Variants in ECPAS observed in about 807,000 individuals in gnomAD.
ECPAS encodes proteasome adapter and scaffold protein ECM29.
A neutral mutation model predicts 255.1 loss-of-function variants in ECPAS; 70 were observed. The observed-to-expected ratio is 0.27, with a 90% CI of 0.23 to 0.33. The LOEUF (loss-of-function observed/expected upper bound fraction) is 0.33. Among genes scored for constraint, ECPAS ranks in the 10% least tolerant of loss-of-function variants. The pLI, the probability that ECPAS is intolerant of heterozygous loss-of-function variation, is 1.00. For synonymous variants in ECPAS, 784 were observed against 775.0 expected, an observed-to-expected ratio of 1.01 and a Z score of -0.19; for missense variants, 1,817 against 2,206.4, an observed-to-expected ratio of 0.82 and a Z score of 3.54.
chr9:111,400,595 GA>G (rs967507721), intron 24 of ECPAS, among the ~76,000 whole-genome samples: 7 of 152,058 alleles, frequency 4.6e-5, no homozygotes, highest in African/African-American at 9.6e-5. Flanking sequence ...TAAAATGGGG[GA>G]AAAAAATCAA....
At chr9:111,444,252 A>G in intron 4 of ECPAS, 126 bp downstream of exon 4, 1 of 601,806 alleles carries the variant, frequency 1.7e-6, no homozygotes, top group Non-Finnish European at 2.9e-6. Flanking sequence ...AAAAAAAAAA[A>G]CTCATGTTTC....
At chr9:111,402,768 T>C (rs911540305) in intron 24 of ECPAS, among the ~76,000 whole-genome samples, 7 of 152,182 alleles carry the variant, frequency 4.6e-5, no homozygotes, top group African/African-American at 1.2e-4. Flanking sequence ...ATCAAACTTG[T>C]TATATTTTCT....
At chr9:111,379,796 T>C (rs2098138252) in intron 35 of ECPAS, among the ~76,000 whole-genome samples, 1 of 152,212 alleles carries the variant, frequency 6.6e-6, no homozygotes, top group Non-Finnish European at 1.5e-5. Context: ...GAAACCACTT[T>C]CTTTGCTCAT....
At chr9:111,440,052 A>G (rs1231818537) in intron 6 of ECPAS, among the ~76,000 whole-genome samples, 1 of 151,402 alleles carries the variant, frequency 6.6e-6, no homozygotes, top group African/African-American at 2.4e-5. Flanking sequence ...TTTTTGAGAG[A>G]GAGTCTCGCT....
rs1419484287 is a variant in ECPAS at position 111,430,440 on chromosome 9, T to C, written c.930+107A>G. 2.0e-5 allele frequency: 15 copies of C among 740,108 alleles called. 1 individual carries two copies. The Admixed American group carries it at 2.7e-4, about 13-fold the overall frequency. 45.8% of individuals were successfully genotyped at this position (740,108 alleles called of 1,614,324 possible). A position where few individuals can be genotyped will look rare whatever the true frequency, so the allele number is the denominator to read the frequency against. ...ATGACTTAAAACTAGCATTTTGTTA[T>C]AGCACAGATTCAGCTTAAATGAAAC... On this transcript the variant is annotated intron_variant, in intron 9 of 49. Transcript: ENST00000684092.
intron 2 of ECPAS, among the ~76,000 whole-genome samples, chr9:111,466,430 G>C (rs1361133851): frequency 1.3e-5 from 2 of 151,944 alleles, no homozygotes; most frequent in Admixed American, 1.3e-4. Flanking sequence ...GGGCGACAGA[G>C]CGAGACTCCG....
At chr9:111,409,993 A>C (rs1041278441) in intron 23 of ECPAS, 48 bp downstream of exon 23, 10 of 1,430,720 alleles carry the variant, frequency 7.0e-6, no homozygotes, top group Non-Finnish European at 9.6e-6. Context: ...TCATGTATGC[A>C]TAGAAAGACC....
intron 2 of ECPAS, among the ~76,000 whole-genome samples, chr9:111,468,586 G>C (rs1212488395): frequency 6.6e-6 from 1 of 151,612 alleles, no homozygotes; most frequent in Non-Finnish European, 1.5e-5. Flanking sequence ...TTAAAACAAG[G>C]CCTTTTCCTA....
chr9:111,385,614 T>C (rs1227537743), intron 32 of ECPAS, among the ~76,000 whole-genome samples, 172 bp from the exon 33 acceptor site: 1 of 152,224 alleles, frequency 6.6e-6, no homozygotes, highest in Non-Finnish European at 1.5e-5. Context: ...TATATATATG[T>C]AATTTACAAT....
At position 111,384,706 on chromosome 9, in the gene ECPAS, T is replaced by A. The variant is rs149298163; in HGVS notation, c.3634-137A>T. On this transcript the variant is annotated intron_variant, in intron 33 of 49. Transcript: ENST00000684092. Reference sequence around the variant, plus strand: ...TACATTTCATATCATGTTAAAAAAATTGGTATCTCATCAGACTCTCTGCCC... The same window carrying A: ...TACATTTCATATCATGTTAAAAAAAATGGTATCTCATCAGACTCTCTGCCC... 75 of 730,254 alleles carry A rather than the reference T, an allele frequency of 1.0e-4. No homozygotes were observed. The East Asian group carries it at 1.9e-3, about 19-fold the overall frequency. 45.2% of individuals were successfully genotyped at this position (730,254 alleles called of 1,614,324 possible).
intron 10 of ECPAS, among the ~76,000 whole-genome samples, chr9:111,426,400 T>C (rs971528513): frequency 9.2e-5 from 14 of 152,118 alleles, no homozygotes; most frequent in African/African-American, 3.4e-4. Context: ...ATACTCTTGT[T>C]CCTAAAACTG....
chr9:111,425,186 C>CAA (rs758231664), intron 12 of ECPAS, among the ~76,000 whole-genome samples: 2 of 129,844 alleles, frequency 1.5e-5, no homozygotes, highest in East Asian at 2.2e-4. Context: ...AACTCCATCT[C>CAA]AAAAAAAAAA....
intron 24 of ECPAS, among the ~76,000 whole-genome samples, chr9:111,407,653 T>A (rs1471027736): frequency 6.6e-6 from 1 of 151,920 alleles, no homozygotes; most frequent in African/African-American, 2.4e-5. Flanking sequence ...AATTATCTCT[T>A]CTCCCTCCCA....
At chr9:111,445,774 C>A (rs2098252103) in intron 3 of ECPAS, among the ~76,000 whole-genome samples, 1 of 152,014 alleles carries the variant, frequency 6.6e-6, no homozygotes, top group African/African-American at 2.4e-5. Context: ...TTTGCTGCAC[C>A]CAACAATTCA....
Position 111,423,184 on chromosome 9 carries a change from A to G in ECPAS, c.1265+15T>C, listed in dbSNP as rs573666432. 1.9e-5 allele frequency: 29 copies of G among 1,539,088 alleles called. No homozygotes were observed. Among genetic ancestry groups the G allele is most frequent in the Non-Finnish European group, 2.6e-5 (29 of 1,133,714 alleles). ...TACCAACACCATATCTCTCACTAAA[A>G]AAGAGTTTACTCACCTGGAGAGTTT... On this transcript the variant is annotated intron_variant, in intron 13 of 49. Coordinates refer to ENST00000684092, the MANE Select transcript of ECPAS (RefSeq NM_001364929.1).
At chr9:111,447,523 T>C (rs1315784018) in intron 3 of ECPAS, among the ~76,000 whole-genome samples, 4 of 152,210 alleles carry the variant, frequency 2.6e-5, no homozygotes, top group African/African-American at 9.6e-5. Flanking sequence ...GAATCCTCCA[T>C]AAACCAAGAA....
chr9:111,464,852 G>A (rs2098277491), intron 2 of ECPAS, among the ~76,000 whole-genome samples: 1 of 152,148 alleles, frequency 6.6e-6, no homozygotes, highest in Admixed American at 6.6e-5. Flanking sequence ...AGTAACACAG[G>A]GGGTTTGAAT....
In ECPAS at chr9:111,421,855, T is replaced by C. The variant is rs1260434642; in HGVS notation, c.1455+66A>G. On this transcript the variant is annotated intron_variant, in intron 15 of 49. Coordinates refer to ENST00000684092, the MANE Select transcript of ECPAS (RefSeq NM_001364929.1). Reference sequence around the variant, plus strand: ...CCTCTTATCAAAAGTTAAGTAGCAATTCAAATTTTGTTCTTAAAAATGTAA... The same window carrying C: ...CCTCTTATCAAAAGTTAAGTAGCAACTCAAATTTTGTTCTTAAAAATGTAA... 3 of 1,561,158 alleles carry C rather than the reference T, an allele frequency of 1.9e-6. No individual in the cohort carries two copies. The African/African-American group carries it at 4.1e-5, about 21-fold the overall frequency.
intron 21 of ECPAS, 190 bp downstream of exon 21, chr9:111,411,822 GAC>G (rs1363873456): frequency 1.0e-5 from 5 of 494,598 alleles, no homozygotes; most frequent in African/African-American, 6.1e-5. Flanking sequence ...GTGCTTATCA[GAC>G]ACAGCACCCG....
Sources: gnomAD v4.1 joint callset for allele counts (sites outside exome capture counted in the v4.1 genomes callset) on GRCh38, gnomAD v4.1.1 for gene constraint, MANE v1.5 for transcripts, NCBI Gene and HGNC (gene_info 2026-07-23, HGNC 2026-07-21) for gene names.